Variants in DDX1 observed in about 807,000 individuals in gnomAD.
DDX1 encodes DEAD-box helicase 1.
In DDX1, 28 loss-of-function variants were observed where a neutral mutation model predicts 108.7. That is an observed-to-expected ratio of 0.26 (90% CI 0.19 to 0.35). The LOEUF is 0.35. DDX1 is among the 10% of genes least tolerant of loss of function. The pLI, the probability that DDX1 is intolerant of heterozygous loss-of-function variation, is 1.00. For synonymous variants in DDX1, 295 were observed against 288.9 expected (o/e 1.02, Z -0.21); for missense variants, 710 against 884.5 (o/e 0.80, Z 2.50).
rs1665604158 is a variant in DDX1 at position 15,602,582 on chromosome 2, A to G, written c.342A>G (p.Arg114=). 1 of 1,614,026 alleles carries G rather than the reference A, an allele frequency of 6.2e-7. No homozygotes were observed. The highest frequency in any genetic ancestry group is 8.5e-7 in the Non-Finnish European group (1 of 1,179,842). Residue 114 remains arginine (R), a synonymous_variant, in exon 7 of 26, where the codon AGA becomes AGG. Transcript: ENST00000233084. ...IGSDGLCCQS[R]EVKEWHGCRA... is the part of the protein sequence containing the mutation. ...CAGATGGTCTTTGTTGTCAAAGCAG[A>G]GAAGTAAAGGAATGGCATGGGTGTA...
intron 7 of DDX1, 133 bp downstream of exon 7, chr2:15,602,764 A>AG: frequency 1.6e-6 from 1 of 641,034 alleles, no homozygotes; most frequent in Middle Eastern, 3.7e-4. Flanking sequence ...CCCGGGCTGG[A>AG]GGGCAGTGGT....
chr2:15,605,553 G>C lies in DDX1; in HGVS notation c.626-397G>C, dbSNP rs189975148. On this transcript the variant is annotated intron_variant, in intron 10 of 25. Transcript: ENST00000233084. The stretch of plus-strand genomic sequence containing the variant: ...TGGGGAGCCTCCTAATAAGGAGCCA[G>C]TTCAATAGAGAATGAGATGAAAGAA... Among the ~76,000 whole-genome samples the C allele has an allele frequency of 2.1e-4, 32 of 152,236 alleles. No individual in the cohort carries two copies. In the East Asian group the frequency reaches 6.2e-3, roughly 29 times the overall value.
At chr2:15,595,727 C>T (rs1035206011) in intron 3 of DDX1, among the ~76,000 whole-genome samples, 174 bp downstream of exon 3, 3 of 151,916 alleles carry the variant, frequency 2.0e-5, no homozygotes, top group African/African-American at 4.8e-5. Context: ...AAGCTTAAAC[C>T]CACTAGGGCA....
At position 15,610,861 on chromosome 2, in the gene DDX1, TG is replaced by T. The variant is rs1665739840; in HGVS notation, c.957-2362del. Among the ~76,000 whole-genome samples, 5 of 76,114 alleles carry T rather than the reference TG, an allele frequency of 6.6e-5. No homozygotes were observed. The South Asian group carries it at 2.6e-3, about 40-fold the overall frequency. 49.9% of individuals were successfully genotyped at this position (76,114 alleles called of 152,430 possible). A position where few individuals can be genotyped will look rare whatever the true frequency, so the allele number is the denominator to read the frequency against. On this transcript the variant is annotated intron_variant, in intron 13 of 25. Coordinates refer to ENST00000233084, the MANE Select transcript of DDX1 (RefSeq NM_004939.3). ...CTTTGTTTCCCACCTTCCCCAGACT[TG>T]TTTTTTTTTTTATTTTTTATTTTTT...
At chr2:15,614,957 C>A (rs572034622) in intron 14 of DDX1, among the ~76,000 whole-genome samples, 18 of 152,300 alleles carry the variant, frequency 1.2e-4, no homozygotes, top group African/African-American at 4.1e-4. Flanking sequence ...AATCTGCTTT[C>A]ATCAGGATGT....
intron 16 of DDX1, among the ~76,000 whole-genome samples, chr2:15,619,984 C>T (rs1665968013): frequency 6.6e-6 from 1 of 152,058 alleles, no homozygotes; most frequent in Non-Finnish European, 1.5e-5. Flanking sequence ...TTTGTAGGGA[C>T]GTGAGGAAGA....
At chr2:15,607,389 A>C in intron 13 of DDX1, 76 bp downstream of exon 13, 1 of 1,369,310 alleles carries the variant, frequency 7.3e-7, no homozygotes, top group South Asian at 1.3e-5. Flanking sequence ...AAGGTAGAGA[A>C]AAATGAAGTA....
intron 19 of DDX1, among the ~76,000 whole-genome samples, chr2:15,626,434 G>A (rs1666101342): frequency 6.6e-6 from 1 of 152,084 alleles, no homozygotes; most frequent in Non-Finnish European, 1.5e-5. Flanking sequence ...ATAGTTAAGT[G>A]CCATAATTGT....
chr2:15,630,737 A>G lies in DDX1; in HGVS notation c.2093-39A>G. On this transcript the variant is annotated intron_variant, in intron 25 of 25. Transcript: ENST00000233084. Reference sequence around the variant, plus strand: ...GTATTGCTGACAAGTTATTTCAAGCATGTCATTTACATTACTTTGTTATTT... The same window carrying G: ...GTATTGCTGACAAGTTATTTCAAGCGTGTCATTTACATTACTTTGTTATTT... 3 of 1,586,738 alleles carry G rather than the reference A, an allele frequency of 1.9e-6. No homozygotes were observed. In the East Asian group the frequency reaches 6.8e-5, roughly 36 times the overall value.
At chr2:15,613,078 C>T (rs1183077035) in intron 13 of DDX1, 146 bp from the exon 14 acceptor site, 1 of 582,542 alleles carries the variant, frequency 1.7e-6, no homozygotes, top group Non-Finnish European at 3.0e-6. Flanking sequence ...TTGTAACTTC[C>T]CCCAGACTTG....
At chr2:15,598,375 T>G (rs568450772) in intron 5 of DDX1, among the ~76,000 whole-genome samples, 2 of 152,296 alleles carry the variant, frequency 1.3e-5, no homozygotes, top group South Asian at 4.1e-4. Context: ...GTGCCGTCAT[T>G]TATGAGAAAT....
At chr2:15,603,142 T>G (rs2148739129) in intron 7 of DDX1, 50 bp from the exon 8 acceptor site, 1 of 1,252,604 alleles carries the variant, frequency 8.0e-7, no homozygotes, top group East Asian at 2.3e-5. Flanking sequence ...TCATGGTAAA[T>G]GAATCGTGTG....
intron 13 of DDX1, among the ~76,000 whole-genome samples, chr2:15,610,366 T>C (rs1421806302): frequency 6.6e-6 from 1 of 152,202 alleles, no homozygotes; most frequent in Non-Finnish European, 1.5e-5. Flanking sequence ...GAAAATTTTA[T>C]TTGTGTTGTC....
intron 13 of DDX1, among the ~76,000 whole-genome samples, chr2:15,612,926 T>G (rs28461172): frequency 6.7e-6 from 1 of 150,024 alleles, no homozygotes; most frequent in Non-Finnish European, 1.5e-5. Context: ...AGAATCAGGC[T>G]GGGAGGTTGC....
chr2:15,618,384 C>A, intron 16 of DDX1, 114 bp downstream of exon 16: 1 of 629,370 alleles, frequency 1.6e-6, no homozygotes, highest in Non-Finnish European at 2.9e-6. Flanking sequence ...GCTAGTGATG[C>A]CCTTGCCCGG....
At chr2:15,628,034 C>CA (rs2148750357) in intron 20 of DDX1, among the ~76,000 whole-genome samples, 1 of 152,118 alleles carries the variant, frequency 6.6e-6, no homozygotes, top group African/African-American at 2.4e-5. Flanking sequence ...TTGTCTGTTA[C>CA]AAAAAATGTA....
chr2:15,619,503 G>T (rs1173700293), intron 16 of DDX1, among the ~76,000 whole-genome samples: 1 of 152,242 alleles, frequency 6.6e-6, no homozygotes, highest in Non-Finnish European at 1.5e-5. Context: ...TCTCCCCGCT[G>T]CAGCCAGCTT....
chr2:15,620,716 T>C lies in DDX1; in HGVS notation c.1395+320T>C, dbSNP rs536195826. 2.2e-3 allele frequency among the ~76,000 whole-genome samples: 339 copies of C among 152,286 alleles called. 1 individual carries two copies. The highest frequency in any genetic ancestry group is 7.1e-3 in the African/African-American group (297 of 41,576). Reference sequence around the variant, plus strand: ...AGTAGGAGCCCTCATCTGTGTCCTCTTGATGTACTTTGTTCTAAAAATCAA... The same window carrying C: ...AGTAGGAGCCCTCATCTGTGTCCTCCTGATGTACTTTGTTCTAAAAATCAA... On this transcript the variant is annotated intron_variant, in intron 17 of 25. Transcript: ENST00000233084.
intron 20 of DDX1, chr2:15,627,415 A>G (rs561608778): frequency 1.7e-4 from 46 of 272,942 alleles, no homozygotes; most frequent in African/African-American, 9.6e-4. Context: ...AGATATTTTT[A>G]GGAGAAGTAT....
Sources: gnomAD v4.1 joint callset for allele counts (sites outside exome capture counted in the v4.1 genomes callset) on GRCh38, gnomAD v4.1.1 for gene constraint, MANE v1.5 for transcripts, NCBI Gene and HGNC (gene_info 2026-07-23, HGNC 2026-07-21) for gene names.